The following CCDC171 variants were observed in gnomAD, a reference collection of about 807,000 sequenced individuals.
CCDC171 encodes the protein coiled-coil domain containing 171.
CCDC171 carries 177 observed loss-of-function variants against 168.2 expected under a neutral mutation model. The observed-to-expected ratio is 1.05, with a 90% confidence interval of 0.93 to 1.19. The LOEUF (loss-of-function observed/expected upper bound fraction) is 1.19, where lower values mean the gene tolerates loss of function less well. CCDC171 is among the 50% of genes most tolerant of loss of function. CCDC171 has a pLI of 0.00. For synonymous variants in CCDC171, 687 were observed against 540.8 expected, an observed-to-expected ratio of 1.27 and a Z score of -3.75; for missense variants, 1,991 against 1,539.0, an observed-to-expected ratio of 1.29 and a Z score of -4.91.
At chr9:15,571,191 T>C (rs1049204266) in intron 2 of CCDC171, among the ~76,000 whole-genome samples, 1 of 152,234 alleles carries the variant, frequency 6.6e-6, no homozygotes, top group African/African-American at 2.4e-5. Context: ...TTTGCTGTTA[T>C]TTTAATTTTT....
At chr9:15,758,421 G>A (rs1341154051) in intron 18 of CCDC171, among the ~76,000 whole-genome samples, 1 of 152,194 alleles carries the variant, frequency 6.6e-6, no homozygotes, top group African/African-American at 2.4e-5. Context: ...CCCAATGCCT[G>A]TACCTCCACT....
intron 18 of CCDC171, among the ~76,000 whole-genome samples, chr9:15,747,970 C>G (rs1041777007): frequency 1.3e-5 from 2 of 152,006 alleles, no homozygotes; most frequent in Admixed American, 1.3e-4. Flanking sequence ...GGAGCATGTT[C>G]TAACCCACTG....
chr9:15,993,174 A>G (rs1248960498), intron 3 of CCDC171, among the ~76,000 whole-genome samples: 2 of 151,842 alleles, frequency 1.3e-5, no homozygotes, highest in African/African-American at 4.9e-5. Context: ...TGGAGGCATC[A>G]TGCTACCTGA....
intron 25 of CCDC171, among the ~76,000 whole-genome samples, chr9:15,970,674 G>A (rs555247670): frequency 2.6e-5 from 4 of 152,248 alleles, no homozygotes; most frequent in South Asian, 2.1e-4. Context: ...AGTATTCCAT[G>A]ACTTTGTGGC....
intron 1 of CCDC171, among the ~76,000 whole-genome samples, chr9:16,051,269 C>T (rs983707801): frequency 6.6e-6 from 1 of 152,178 alleles, no homozygotes. Flanking sequence ...TCTAATGATT[C>T]ATGTCACTTA....
At chr9:15,569,059 A>G (rs906908224) in intron 2 of CCDC171, among the ~76,000 whole-genome samples, 5 of 152,198 alleles carry the variant, frequency 3.3e-5, no homozygotes, top group African/African-American at 4.8e-5. Flanking sequence ...TATAAAACCT[A>G]TTTATTTCTC....
intron 25 of CCDC171, among the ~76,000 whole-genome samples, chr9:15,953,140 ACTT>A (rs1829400059): frequency 1.3e-5 from 2 of 152,214 alleles, no homozygotes; most frequent in East Asian, 1.9e-4. Flanking sequence ...AGATAATTTC[ACTT>A]CTTCTTTTCC....
intron 11 of CCDC171, among the ~76,000 whole-genome samples, chr9:15,696,531 T>A (rs1216634635): frequency 3.3e-5 from 5 of 152,230 alleles, no homozygotes; most frequent in Admixed American, 3.3e-4. Flanking sequence ...TTATATTTGT[T>A]ACAGCTTTGG....
At chr9:15,876,776 C>T (rs532358546) in intron 24 of CCDC171, among the ~76,000 whole-genome samples, 2 of 151,956 alleles carry the variant, frequency 1.3e-5, no homozygotes, top group Non-Finnish European at 2.9e-5. Flanking sequence ...TGCATTTATA[C>T]TAAGTGTGGC....
At chr9:15,716,890 T>C (rs926373352) in intron 11 of CCDC171, among the ~76,000 whole-genome samples, 1 of 152,192 alleles carries the variant, frequency 6.6e-6, no homozygotes, top group Non-Finnish European at 1.5e-5. Flanking sequence ...ACGTGAACTT[T>C]GGAGGACATA....
rs1221519155 is a variant in CCDC171, at chr9:15,724,838, A to T, written c.1554A>T (p.Ala518=). ...TAAGTCATTTACACACTAAATGTGCAGACCGAGAGGCTTTAATAAGCACTT... is the reference window on the plus strand; with the variant it reads ...TAAGTCATTTACACACTAAATGTGCTGACCGAGAGGCTTTAATAAGCACTT... ...KELSHLHTKC[A]DREALISTLK... Residue 518 remains alanine, a synonymous_variant, in exon 14 of 26, where the codon GCA becomes GCT. Coordinates refer to ENST00000380701, the MANE Select transcript of CCDC171 (RefSeq NM_173550.4). 1 of 1,613,788 alleles carries T rather than the reference A, an allele frequency of 6.2e-7. No homozygotes were observed. The highest frequency in any genetic ancestry group is 8.5e-7 in the Non-Finnish European group (1 of 1,179,820).
chr9:15,817,374 C>T lies in CCDC171; in HGVS notation c.3268-29328C>T, dbSNP rs1289130312. On this transcript the variant is annotated intron_variant, in intron 21 of 25. Coordinates refer to ENST00000380701, the MANE Select transcript of CCDC171 (RefSeq NM_173550.4). ...AGGACAGTGGGTGCAGTGCAGCAAG[C>T]ATGAGCCGAAGCAGGGCGAGGCATT... 1.7e-5 allele frequency among the ~76,000 whole-genome samples: 2 copies of T among 117,658 alleles called. 1 individual carries two copies. Among genetic ancestry groups the T allele is most frequent in the African/African-American group, 6.4e-5 (2 of 31,326 alleles). 77.2% of individuals were successfully genotyped at this position (117,658 alleles called of 152,430 possible).
Position 15,695,337 on chromosome 9 carries a change from G to C in CCDC171, c.1318G>C (p.Gly440Arg). ...TACTGTGTCGGGCCAGTGGACATCA[G>C]GTTAGTTGAAGGTATAAAATGACAG... is the stretch of plus-strand genomic sequence containing the variant. ...SFTVSGQWTSGIHKDKDKPPS... is the reference protein window; with the variant it reads ...SFTVSGQWTSRIHKDKDKPPS... Residue 440 changes from glycine to arginine, a missense_variant and splice_region_variant, in exon 11 of 26, where the codon GGC (glycine) becomes CGC (arginine). Coordinates refer to ENST00000380701, the MANE Select transcript of CCDC171 (RefSeq NM_173550.4). The C allele has an allele frequency of 6.2e-7, 1 of 1,611,500 alleles. No homozygotes were observed. Among genetic ancestry groups the C allele is most frequent in the Non-Finnish European group, 8.5e-7 (1 of 1,177,632 alleles).
At chr9:15,698,390 G>T (rs1019450544) in intron 11 of CCDC171, among the ~76,000 whole-genome samples, 1 of 151,920 alleles carries the variant, frequency 6.6e-6, no homozygotes, top group African/African-American at 2.4e-5. Context: ...GCGTGGTGGC[G>T]GGTGCCTGTA....
intron 6 of CCDC171, among the ~76,000 whole-genome samples, chr9:16,034,637 A>G (rs976273186): frequency 8.5e-5 from 13 of 152,190 alleles, no homozygotes; most frequent in African/African-American, 2.2e-4. Context: ...AGTTCTGTCC[A>G]TCAGAATGGA....
chr9:16,012,937 A>G lies in CCDC171; in HGVS notation n.369-7652A>G, dbSNP rs556882524. ...AACGTATAGGTCTCAGCCCTGGGAT[A>G]TCAACCATCACACCAGCTACCACAG... On this transcript the variant is annotated intron_variant and non_coding_transcript_variant, in intron 3 of 9. Coordinates refer to the CCDC171 transcript ENST00000486641. Among the ~76,000 whole-genome samples, 64 of 152,256 alleles carry G rather than the reference A, an allele frequency of 4.2e-4. 1 individual carries two copies. In the South Asian group the frequency reaches 9.5e-3, roughly 23 times the overall value.
rs2042164455 is a variant in CCDC171 at position 15,593,971 on chromosome 9, T to A, written c.544-70T>A. 10 of 1,079,402 alleles carry A rather than the reference T, an allele frequency of 9.3e-6. No individual in the cohort carries two copies. The East Asian group carries it at 2.5e-4, about 27-fold the overall frequency. 66.9% of individuals were successfully genotyped at this position (1,079,402 alleles called of 1,614,324 possible). On this transcript the variant is annotated intron_variant, in intron 5 of 25. Coordinates refer to ENST00000380701, the MANE Select transcript of CCDC171 (RefSeq NM_173550.4). ...TAGGTAAGGAGAGCCTCTTTGTACA[T>A]TTAAACTGGGGATGAAGGAAGATAA...
At chr9:15,876,750 G>A (rs1227788648) in intron 24 of CCDC171, among the ~76,000 whole-genome samples, 1 of 150,242 alleles carries the variant, frequency 6.7e-6, no homozygotes, top group Admixed American at 6.6e-5. Context: ...CTTTTTTTTT[G>A]CAGTATAAAA....
chr9:16,061,602 G>A (rs373767208), downstream of CCDC171: 9 of 152,136 alleles, frequency 5.9e-5, no homozygotes, highest in African/African-American at 2.2e-4. Context: ...AGAAAGCCAA[G>A]GAATGATAAC....
Sources: allele counts gnomAD v4.1 joint callset (sites outside exome capture counted in the v4.1 genomes callset), GRCh38; gene constraint gnomAD v4.1.1; transcripts MANE v1.5; gene names NCBI Gene and HGNC (gene_info 2026-07-23, HGNC 2026-07-21).